GPR65: variants seen among roughly 807,000 people sequenced by gnomAD.
GPR65 encodes T-cell death-associated gene 8 protein.
Under a neutral mutation model 0.7 loss-of-function variants are expected in GPR65, and 2 were observed. The ratio of observed to expected loss-of-function variants is 2.83; its 90% CI spans 1.16 to 8.92. The LOEUF is 8.92. Among genes scored for constraint, GPR65 ranks in the 30% most tolerant of loss-of-function variants. The pLI is 0.04. For synonymous variants in GPR65, 128 were observed against 146.5 expected (o/e 0.87, Z 0.91); for missense variants, 379 against 399.4 (o/e 0.95, Z 0.43).
intron 1 of GPR65, 29 bp downstream of exon 1, chr14:88,005,251 T>C (rs1262898675): frequency 6.6e-6 from 1 of 152,116 alleles, no homozygotes; most frequent in Non-Finnish European, 1.5e-5. Flanking sequence ...AATAAAATAA[T>C]ATTTTAAAGT....
chr14:88,011,064 T>G lies in GPR65; in HGVS notation c.217T>G (p.Tyr73Asp). ...YALTLPLWID[Y>D]TWNKDNWTFS... ...ATTAACTCTCCCTTTATGGATTGAT[T>G]ATACCTGGAATAAAGACAACTGGAC... The change falls in exon 2 of 2, where the codon TAT becomes GAT. Residue 73 changes from tyrosine to aspartate, a missense_variant. Transcript: ENST00000267549. The G allele has an allele frequency of 1.2e-6, 2 of 1,613,056 alleles. No individual in the cohort carries two copies. Among genetic ancestry groups the G allele is most frequent in the Non-Finnish European group, 1.7e-6 (2 of 1,179,042 alleles).
At chr14:88,009,294 C>G (rs1177404554) in intron 1 of GPR65, among the ~76,000 whole-genome samples, 1 of 152,144 alleles carries the variant, frequency 6.6e-6, no homozygotes, top group Non-Finnish European at 1.5e-5. Flanking sequence ...CAAATTTTCC[C>G]CCCCTTTGGA....
intron 1 of GPR65, among the ~76,000 whole-genome samples, chr14:88,007,968 G>T (rs2139781233): frequency 6.6e-6 from 1 of 152,066 alleles, no homozygotes; most frequent in Non-Finnish European, 1.5e-5. Flanking sequence ...TATTTTTGGT[G>T]AAGTTATTTT....
chr14:88,010,970 G>T lies in GPR65; in HGVS notation c.123G>T (p.Leu41=). 3 of 1,612,744 alleles carry T rather than the reference G, an allele frequency of 1.9e-6. No homozygotes were observed. Among genetic ancestry groups the T allele is most frequent in the Non-Finnish European group, 2.5e-6 (3 of 1,178,810 alleles). The change falls in exon 2 of 2, where the codon CTG becomes CTT. Residue 41 remains leucine (L), a synonymous_variant. Transcript: ENST00000267549. ...ANIGSLCVSF[L]QAKKESELGI... is the part of the protein sequence containing the mutation. ...TTGGATCTCTGTGTGTGTCTTTCCT[G>T]CAAGCAAAGAAGGAAAGTGAACTAG...
At position 88,011,203 on chromosome 14, in the gene GPR65, C is replaced by T; in HGVS notation, c.356C>T (p.Pro119Leu). ...GATCGGTATTTGGCTGTTGTCTACCCTTTGAAGTTTTTTTTCCTAAGGACA... is the reference window on the plus strand; with the variant it reads ...GATCGGTATTTGGCTGTTGTCTACCTTTTGAAGTTTTTTTTCCTAAGGACA... ...AVDRYLAVVYPLKFFFLRTRR... is the reference protein window; with the variant it reads ...AVDRYLAVVYLLKFFFLRTRR... The change falls in exon 2 of 2, where the codon CCT (proline) becomes CTT (leucine). Residue 119 changes from proline to leucine, a missense_variant. Coordinates refer to ENST00000267549, the MANE Select transcript of GPR65 (RefSeq NM_003608.4). 1.2e-6 allele frequency: 2 copies of T among 1,613,832 alleles called. No homozygotes were observed. Among genetic ancestry groups the T allele is most frequent in the African/African-American group, 1.3e-5 (1 of 75,034 alleles).
rs1362035493 is a variant in GPR65 at position 88,014,138 on chromosome 14, GTCATT to G, written c.*2284_*2288del. 14 of 152,148 alleles carry G rather than the reference GTCATT, an allele frequency of 9.2e-5. No individual in the cohort carries two copies. The highest frequency in any genetic ancestry group is 3.1e-4 in the African/African-American group (13 of 41,442). The allele number at this position is 152,148 out of a possible 1,614,324, so 9.4% of individuals were successfully genotyped here. ...CTCTGGAAAGCTCGGCAATCATCAG[GTCATT>G]TCATTTGGCTTAAATTCCATGTGTC... On this transcript the variant is annotated 3_prime_UTR_variant, in exon 2 of 2. Coordinates refer to ENST00000267549, the MANE Select transcript of GPR65 (RefSeq NM_003608.4).
Position 88,011,422 on chromosome 14 carries a change from A to G in GPR65, c.575A>G (p.Tyr192Cys), listed in dbSNP as rs760210365. Residue 192 changes from tyrosine to cysteine, a missense_variant, in exon 2 of 2, where the codon TAT becomes TGT. By Grantham distance (194) the Tyr-to-Cys change is radical. Coordinates refer to ENST00000267549, the MANE Select transcript of GPR65 (RefSeq NM_003608.4). ...NLNLFRTCTG[Y>C]AIPLVTILIC... ...AACTTGTTCAGGACGTGTACAGGCT[A>G]TGCAATACCTTTGGTCACCATCCTG... 2.5e-6 allele frequency: 4 copies of G among 1,614,054 alleles called. No individual in the cohort carries two copies. The highest frequency in any genetic ancestry group is 3.3e-5 in the Admixed American group (2 of 59,996).
In GPR65 at chr14:88,014,416, CAACAT is replaced by C. The variant is rs1284809883; in HGVS notation, c.*2557_*2561del. 6.6e-6 allele frequency: 1 copy of C among 152,154 alleles called. No homozygotes were observed. The highest frequency in any genetic ancestry group is 1.5e-5 in the Non-Finnish European group (1 of 68,026). 9.4% of individuals were successfully genotyped at this position (152,154 alleles called of 1,614,324 possible). The stretch of plus-strand genomic sequence containing the variant: ...TATCTATGAAATTCAAGCTGTAACT[CAACAT>C]ATGTATAATTTTAATTTCTAATTTA... On this transcript the variant is annotated 3_prime_UTR_variant, in exon 2 of 2. Transcript: ENST00000267549.
rs1291150493 is a variant in GPR65 at position 88,010,514 on chromosome 14, C to T, written c.-334C>T. On this transcript the variant is annotated 5_prime_UTR_variant, in exon 2 of 2. Coordinates refer to ENST00000267549, the MANE Select transcript of GPR65 (RefSeq NM_003608.4). ...AATTGCGGACAACTCTCTATGTACA[C>T]TTACAAATGCCTCAGTTGATGCTTG... The T allele has an allele frequency of 4.2e-6, 1 of 237,608 alleles. No individual in the cohort carries two copies. Among genetic ancestry groups the T allele is most frequent in the African/African-American group, 2.3e-5 (1 of 44,256 alleles). 14.7% of individuals were successfully genotyped at this position (237,608 alleles called of 1,614,324 possible). A position where few individuals can be genotyped will look rare whatever the true frequency, so the allele number is the denominator to read the frequency against.
In GPR65 at chr14:88,010,714, T is replaced by G. The variant is rs2076712075; in HGVS notation, c.-134T>G. 1 of 632,824 alleles carries G rather than the reference T, an allele frequency of 1.6e-6. No individual in the cohort carries two copies. The highest frequency in any genetic ancestry group is 2.9e-5 in the Admixed American group (1 of 34,180). 39.2% of individuals were successfully genotyped at this position (632,824 alleles called of 1,614,324 possible). A position where few individuals can be genotyped will look rare whatever the true frequency, so the allele number is the denominator to read the frequency against. On this transcript the variant is annotated 5_prime_UTR_variant, in exon 2 of 2. Transcript: ENST00000267549. ...AAGCATTGATGAATTAATTAGAACT[T>G]TAGACAACAAAGAAAAATTGAAAAA...
chr14:88,011,651 T>G lies in GPR65; in HGVS notation c.804T>G (p.Thr268=). ...ACCACAGCAATTCTGGGAAGCGAAC[T>G]TACACAATGTATAGAATCACGGTTG... ...FEDHSNSGKR[T]YTMYRITVAL... Residue 268 remains threonine (T), a synonymous_variant, in exon 2 of 2, where the codon ACT becomes ACG. Coordinates refer to ENST00000267549, the MANE Select transcript of GPR65 (RefSeq NM_003608.4). The G allele has an allele frequency of 6.2e-7, 1 of 1,613,858 alleles. No individual in the cohort carries two copies. The highest frequency in any genetic ancestry group is 1.7e-5 in the Admixed American group (1 of 59,998).
At chr14:88,008,897 A>T (rs1268015702) in intron 1 of GPR65, among the ~76,000 whole-genome samples, 2 of 152,164 alleles carry the variant, frequency 1.3e-5, no homozygotes, top group Non-Finnish European at 1.5e-5. Flanking sequence ...GCAGGATCAA[A>T]CTAATAATGT....
rs2139783344 is a variant in GPR65 at position 88,011,216 on chromosome 14, T to C, written c.369T>C (p.Phe123=). 6.2e-7 allele frequency: 1 copy of C among 1,613,952 alleles called. No individual in the cohort carries two copies. The highest frequency in any genetic ancestry group is 1.1e-5 in the South Asian group (1 of 91,084). Residue 123 remains phenylalanine (F), a synonymous_variant, in exon 2 of 2, where the codon TTT becomes TTC. Transcript: ENST00000267549. ...CTGTTGTCTACCCTTTGAAGTTTTT[T>C]TTCCTAAGGACAAGAAGATTTGCAC... is the stretch of plus-strand genomic sequence containing the variant. The part of the protein sequence containing the change: ...YLAVVYPLKF[F]FLRTRRFALM...
At position 88,011,072 on chromosome 14, in the gene GPR65, G is replaced by C. The variant is rs1887670676; in HGVS notation, c.225G>C (p.Trp75Cys). ...LTLPLWIDYT[W>C]NKDNWTFSPA... ...TCCCTTTATGGATTGATTATACCTG[G>C]AATAAAGACAACTGGACTTTCTCTC... The change falls in exon 2 of 2, where the codon TGG (tryptophan) becomes TGC (cysteine). Residue 75 changes from tryptophan (W) to cysteine (C), a missense_variant. Transcript: ENST00000267549. 6.2e-7 allele frequency: 1 copy of C among 1,613,428 alleles called. No individual in the cohort carries two copies. Among genetic ancestry groups the C allele is most frequent in the Non-Finnish European group, 8.5e-7 (1 of 1,179,398 alleles).
rs1028346896 is a variant in GPR65 at position 88,014,190 on chromosome 14, G to A, written c.*2329G>A. ...TGTCTTTCCAAACTTTTAAAAGCTG[G>A]TGAAAATTGTTCCACCCATATGTAA... On this transcript the variant is annotated 3_prime_UTR_variant, in exon 2 of 2. Coordinates refer to ENST00000267549, the MANE Select transcript of GPR65 (RefSeq NM_003608.4). The A allele has an allele frequency of 6.6e-6, 1 of 152,152 alleles. No homozygotes were observed. The highest frequency in any genetic ancestry group is 2.4e-5 in the African/African-American group (1 of 41,416). 9.4% of individuals were successfully genotyped at this position (152,152 alleles called of 1,614,324 possible).
chr14:88,006,694 C>A (rs899865869), intron 1 of GPR65, among the ~76,000 whole-genome samples: 3 of 152,080 alleles, frequency 2.0e-5, no homozygotes, highest in African/African-American at 7.2e-5. Flanking sequence ...GCCCATTACC[C>A]GACTTTCTCG....
chr14:88,007,778 TTC>T (rs1491543378), intron 1 of GPR65, among the ~76,000 whole-genome samples: 10 of 148,130 alleles, frequency 6.8e-5, no homozygotes, highest in Middle Eastern at 3.5e-3. Context: ...TTGCTTATTA[TTC>T]TCTCTGTGTG....
Position 88,014,234 on chromosome 14 carries a change from G to C in GPR65, c.*2373G>C, listed in dbSNP as rs1470430276. ...TATGTAAAAGAACATAGGTTAAGTT[G>C]TCTAATTCTTGCAGGAATGTGGATA... On this transcript the variant is annotated 3_prime_UTR_variant, in exon 2 of 2. Transcript: ENST00000267549. The C allele has an allele frequency of 5.3e-5, 8 of 152,188 alleles. No homozygotes were observed. The highest frequency in any genetic ancestry group is 1.0e-4 in the Non-Finnish European group (7 of 68,042). The allele number at this position is 152,188 out of a possible 1,614,324, so 9.4% of individuals were successfully genotyped here. A position where few individuals can be genotyped will look rare whatever the true frequency, so the allele number is the denominator to read the frequency against.
intron 1 of GPR65, among the ~76,000 whole-genome samples, chr14:88,006,539 T>C (rs1339554379): frequency 6.6e-6 from 1 of 152,198 alleles, no homozygotes; most frequent in African/African-American, 2.4e-5. Flanking sequence ...CAGGAAATGC[T>C]TTTACAGCTA....
Sources: gnomAD v4.1 joint callset for allele counts (sites outside exome capture counted in the v4.1 genomes callset) on GRCh38, gnomAD v4.1.1 for gene constraint, MANE v1.5 for transcripts, NCBI Gene and HGNC (gene_info 2026-07-23, HGNC 2026-07-21) for gene names.